INPP5D: variants seen among roughly 807,000 people sequenced by gnomAD.
INPP5D encodes the protein phosphatidylinositol 3,4,5-trisphosphate 5-phosphatase 1.
A neutral mutation model predicts 122.9 loss-of-function variants in INPP5D; 33 were observed. That is an observed-to-expected ratio of 0.27 (90% CI 0.20 to 0.36). The LOEUF (loss-of-function observed/expected upper bound fraction) is 0.36. Ranked by LOEUF, INPP5D falls within the 10% of genes least tolerant of loss-of-function variation. INPP5D has a pLI of 1.00. For missense variants in INPP5D, 1,053 were observed against 1,412.7 expected, an observed-to-expected ratio of 0.75 and a Z score of 4.08; for synonymous variants, 584 against 576.2, an observed-to-expected ratio of 1.01 and a Z score of -0.19.
rs1196200404 is a variant in INPP5D, at chr2:233,137,851, A to C, written c.666-1991A>C. Among the ~76,000 whole-genome samples the C allele has an allele frequency of 4.1e-4, 5 of 12,220 alleles. 1 individual carries two copies. Among genetic ancestry groups the C allele is most frequent in the African/African-American group, 1.2e-3 (5 of 4,210 alleles). The allele number at this position is 12,220 out of a possible 152,430, so 8.0% of individuals were successfully genotyped here. On this transcript the variant is annotated intron_variant, in intron 5 of 26. Transcript: ENST00000445964. ...CCATCACAAAAAAAAAAAAAAAAAA[A>C]AAATATATATATATATATATATATA...
intron 1 of INPP5D, among the ~76,000 whole-genome samples, chr2:233,065,580 C>CTTTCCTTCTTTCT (rs1691192073): frequency 1.5e-4 from 2 of 13,262 alleles, no homozygotes; most frequent in African/African-American, 8.5e-4. Flanking sequence ...TCTTTCTTTC[C>CTTTCCTTCTTTCT]TTCTTTCTTT....
At position 233,128,321 on chromosome 2, in the gene INPP5D, CTG is replaced by C. The variant is rs1202627642; in HGVS notation, c.525-2185_525-2184del. On this transcript the variant is annotated intron_variant, in intron 4 of 26. Transcript: ENST00000445964. The surrounding 1 kb of genome is among the most constrained non-coding windows in gnomAD (Gnocchi z 4.5). ...CTTGTGCCAAAAAGGTTGGGGACCACTGTTTTTAATACTATAGAAGAGATGTT... is the reference window on the plus strand; with the variant it reads ...CTTGTGCCAAAAAGGTTGGGGACCACTTTTTAATACTATAGAAGAGATGTT... Among the ~76,000 whole-genome samples, 1 of 152,202 alleles carries C rather than the reference CTG, an allele frequency of 6.6e-6. No individual in the cohort carries two copies. Among genetic ancestry groups the C allele is most frequent in the Admixed American group, 6.6e-5 (1 of 15,266 alleles).
chr2:233,152,643 C>T (rs189599881), intron 9 of INPP5D, among the ~76,000 whole-genome samples: 8 of 152,218 alleles, frequency 5.3e-5, no homozygotes, highest in Admixed American at 3.9e-4. Flanking sequence ...TGAACCGAGA[C>T]CTGAGTGTCA....
Position 233,122,125 on chromosome 2 carries a change from A to G in INPP5D, c.217A>G (p.Met73Val). The change falls in exon 3 of 27, where the codon ATG (methionine) becomes GTG (valine). Residue 73 changes from methionine to valine, a missense_variant. Physicochemically the swap from Met to Val is conservative, Grantham distance 21. Transcript: ENST00000445964. ...TCCTCAGGCATCCGAAGGCGTCTCC[A>G]TGAGGTTCTTCACCAAGCTGGACCA... ...FTVQASEGVSMRFFTKLDQLI... is the reference protein window; with the variant it reads ...FTVQASEGVSVRFFTKLDQLI... 2 of 1,613,988 alleles carry G rather than the reference A, an allele frequency of 1.2e-6. No individual in the cohort carries two copies. Among genetic ancestry groups the G allele is most frequent in the Non-Finnish European group, 1.7e-6 (2 of 1,179,884 alleles).
chr2:233,185,837 C>T lies in INPP5D; in HGVS notation c.2276-6C>T. 1 of 1,596,712 alleles carries T rather than the reference C, an allele frequency of 6.3e-7. No individual in the cohort carries two copies. Among genetic ancestry groups the T allele is most frequent in the Non-Finnish European group, 8.5e-7 (1 of 1,171,306 alleles). On this transcript the variant is annotated splice_region_variant and splice_polypyrimidine_tract_variant and intron_variant, in intron 20 of 26. Coordinates refer to ENST00000445964, the MANE Select transcript of INPP5D (RefSeq NM_001017915.3). Reference sequence around the variant, plus strand: ...TCTGAAAACCAGCCTTTTTGTCCTCCAACAGGTTTTGTCAAGAGTCAGGAA... The same window carrying T: ...TCTGAAAACCAGCCTTTTTGTCCTCTAACAGGTTTTGTCAAGAGTCAGGAA...
At chr2:233,079,494 T>C in intron 2 of INPP5D, 96 bp downstream of exon 2, 1 of 821,974 alleles carries the variant, frequency 1.2e-6, no homozygotes. Context: ...CACGCGCAGG[T>C]AGCCGGACGT....
intron 9 of INPP5D, among the ~76,000 whole-genome samples, chr2:233,149,464 C>T (rs1693866150): frequency 6.6e-6 from 1 of 152,098 alleles, no homozygotes; most frequent in Non-Finnish European, 1.5e-5. Flanking sequence ...CTTGGCAGGG[C>T]CTGTGCATTC....
Position 233,188,446 on chromosome 2 carries a change from C to G in INPP5D, c.2359-1404C>G, listed in dbSNP as rs1277384232. Among the ~76,000 whole-genome samples, 1 of 152,210 alleles carries G rather than the reference C, an allele frequency of 6.6e-6. No individual in the cohort carries two copies. Among genetic ancestry groups the G allele is most frequent in the East Asian group, 1.9e-4 (1 of 5,200 alleles). On this transcript the variant is annotated intron_variant, in intron 21 of 26. Coordinates refer to ENST00000445964, the MANE Select transcript of INPP5D (RefSeq NM_001017915.3). The surrounding 1 kb of genome is among the most constrained non-coding windows in gnomAD (Gnocchi z 4.7). ...CCTCCAGCATCCAAGAACCCCAGCT[C>G]TGGCCCTGGGTCTAGCTTAGAGCCT...
intron 6 of INPP5D, chr2:233,145,865 A>G (rs1349481628): frequency 5.3e-6 from 3 of 567,430 alleles, no homozygotes; most frequent in Non-Finnish European, 1.0e-5. Context: ...AGGAAAGGTA[A>G]CATGCAAGGA....
intron 14 of INPP5D, chr2:233,169,631 T>C: frequency 1.5e-6 from 1 of 661,172 alleles, no homozygotes; most frequent in Non-Finnish European, 2.5e-6. Context: ...CCTTGTGTCA[T>C]TAGCCTGATG....
chr2:233,095,296 A>G (rs6711326), intron 2 of INPP5D, among the ~76,000 whole-genome samples: 107,213 of 152,134 alleles, frequency 0.7, 38,003 homozygotes, highest in Middle Eastern at 0.8. Context: ...TAGAGATAGG[A>G]TCTCACTGTG....
intron 4 of INPP5D, among the ~76,000 whole-genome samples, chr2:233,127,966 C>T (rs1301131901): frequency 2.6e-5 from 4 of 152,210 alleles, no homozygotes; most frequent in Admixed American, 1.3e-4. Context: ...GTATCAAAGT[C>T]ACAAGGCAAT....
In INPP5D at chr2:233,123,327, G is replaced by A. The variant is rs559131888; in HGVS notation, c.349+1070G>A. Reference sequence around the variant, plus strand: ...AAATTAGCCAGGTGTGGTGGTACGCGCCTGTAGTTCCAGCTACTTGGGAGG... The same window carrying A: ...AAATTAGCCAGGTGTGGTGGTACGCACCTGTAGTTCCAGCTACTTGGGAGG... On this transcript the variant is annotated intron_variant, in intron 3 of 26. Transcript: ENST00000445964. 7.2e-5 allele frequency among the ~76,000 whole-genome samples: 11 copies of A among 152,134 alleles called. No homozygotes were observed. The South Asian group carries it at 1.7e-3, about 23-fold the overall frequency.
chr2:233,105,583 C>T lies in INPP5D; in HGVS notation c.199-16524C>T, dbSNP rs1574730000. 6.6e-6 allele frequency among the ~76,000 whole-genome samples: 1 copy of T among 152,142 alleles called. No individual in the cohort carries two copies. The highest frequency in any genetic ancestry group is 1.9e-4 in the East Asian group (1 of 5,190). On this transcript the variant is annotated intron_variant, in intron 2 of 26. Coordinates refer to ENST00000445964, the MANE Select transcript of INPP5D (RefSeq NM_001017915.3). The surrounding 1 kb of genome is among the most constrained non-coding windows in gnomAD (Gnocchi z 4.0). ...GGGCAGGGCCTGGGTCTGTGTTGGT[C>T]CCTGATGCCGGGGGCTGAGCCGGGG...
In INPP5D at chr2:233,164,180, G is replaced by GA. The variant is rs1694265903; in HGVS notation, c.1438-125dup. ...TATCAAGCATCGCTGGGAGTCCCCC[G>GA]AAGGGTTGGGATTACAGACAGGATA... On this transcript the variant is annotated intron_variant, in intron 12 of 26. Transcript: ENST00000445964. This position sits in a 1 kb window ranked among gnomAD's most constrained non-coding sequence, Gnocchi z 4.3. The GA allele has an allele frequency of 1.4e-6, 2 of 1,437,366 alleles. No individual in the cohort carries two copies. Among genetic ancestry groups the GA allele is most frequent in the Non-Finnish European group, 1.8e-6 (2 of 1,095,608 alleles). The allele number at this position is 1,437,366 out of a possible 1,614,324, so 89.0% of individuals were successfully genotyped here. A position where few individuals can be genotyped will look rare whatever the true frequency, so the allele number is the denominator to read the frequency against.
At chr2:233,169,144 G>A (rs1338261822) in intron 13 of INPP5D, among the ~76,000 whole-genome samples, 161 bp from the exon 14 acceptor site, 3 of 151,918 alleles carry the variant, frequency 2.0e-5, no homozygotes, top group African/African-American at 7.3e-5. Flanking sequence ...CTCATCTCCC[G>A]CTCTCTGCCC....
At chr2:233,184,302 T>C in intron 19 of INPP5D, 106 bp from the exon 20 acceptor site, 1 of 1,468,410 alleles carries the variant, frequency 6.8e-7, no homozygotes. Context: ...ACTCCCACCT[T>C]CCTGGGACCC....
Position 233,060,428 on chromosome 2 carries a change from T to G in INPP5D, c.-51T>G. 1 of 1,539,628 alleles carries G rather than the reference T, an allele frequency of 6.5e-7. No homozygotes were observed. The highest frequency in any genetic ancestry group is 8.8e-7 in the Non-Finnish European group (1 of 1,137,878). The stretch of plus-strand genomic sequence containing the variant: ...GGGGCCTCCGCTCCCCTCGGTGGTG[T>G]GTGGGTCCTGGGGGTGCCTGCCGGC... On this transcript the variant is annotated 5_prime_UTR_variant, in exon 1 of 27. Coordinates refer to ENST00000445964, the MANE Select transcript of INPP5D (RefSeq NM_001017915.3).
chr2:233,116,248 G>GATATAGAT (rs138434323), intron 2 of INPP5D, among the ~76,000 whole-genome samples: 174 of 135,228 alleles, frequency 1.3e-3, no homozygotes, highest in African/African-American at 2.0e-3. Context: ...TAGATAGATA[G>GATATAGAT]ATAGATATAG....
Sources: gnomAD v4.1 joint callset for allele counts (sites outside exome capture counted in the v4.1 genomes callset) on GRCh38, gnomAD v4.1.1 for gene constraint, Gnocchi (gnomAD v3.1) non-coding constraint, MANE v1.5 for transcripts, NCBI Gene and HGNC (gene_info 2026-07-23, HGNC 2026-07-21) for gene names.